The following CSMD1 variants were observed in gnomAD, a reference collection of about 807,000 sequenced individuals.
CSMD1 encodes the protein CUB and sushi domain-containing protein 1.
Under a neutral mutation model 417.5 loss-of-function variants are expected in CSMD1, and 213 were observed. That is an observed-to-expected ratio of 0.51 (90% CI 0.46 to 0.57). CSMD1 has a LOEUF of 0.57. Among genes scored for constraint, CSMD1 ranks in the 20% least tolerant of loss-of-function variants. The pLI, the probability that CSMD1 is intolerant of heterozygous loss-of-function variation, is 0.00. For synonymous variants in CSMD1, 2,862 were observed against 1,736.8 expected, an observed-to-expected ratio of 1.65 and a Z score of -16.11; for missense variants, 6,923 against 4,529.7, an observed-to-expected ratio of 1.53 and a Z score of -15.17.
intron 3 of CSMD1, among the ~76,000 whole-genome samples, chr8:4,179,479 A>G (rs1279012961): frequency 1.3e-5 from 2 of 151,440 alleles, no homozygotes; most frequent in African/African-American, 4.9e-5. Flanking sequence ...AAAACCCTAG[A>G]AGAAAACCTA....
At chr8:4,243,773 C>A (rs757676642) in intron 3 of CSMD1, among the ~76,000 whole-genome samples, 1 of 152,000 alleles carries the variant, frequency 6.6e-6, no homozygotes, top group Non-Finnish European at 1.5e-5. Flanking sequence ...TAGTATTCAA[C>A]GAGGAAAGAA....
chr8:3,825,799 G>A (rs1369494400), intron 5 of CSMD1, among the ~76,000 whole-genome samples: 2 of 152,140 alleles, frequency 1.3e-5, no homozygotes, highest in South Asian at 4.1e-4. Flanking sequence ...TAGTCCAGAT[G>A]ATATGGAATT....
At chr8:4,230,826 A>G (rs983780631) in intron 3 of CSMD1, among the ~76,000 whole-genome samples, 7 of 152,140 alleles carry the variant, frequency 4.6e-5, no homozygotes, top group Admixed American at 2.6e-4. Context: ...CAGTGTCACA[A>G]TGTATTTTTT....
chr8:4,728,956 T>C (rs956726360), intron 1 of CSMD1, among the ~76,000 whole-genome samples: 3 of 152,124 alleles, frequency 2.0e-5, no homozygotes, highest in East Asian at 3.9e-4. Flanking sequence ...CATGTGGAGA[T>C]AGAGATGGAC....
chr8:4,439,165 T>A (rs184186860), intron 2 of CSMD1, among the ~76,000 whole-genome samples: 2 of 152,188 alleles, frequency 1.3e-5, no homozygotes, highest in Non-Finnish European at 2.9e-5. Context: ...AAAGATTATT[T>A]CAATTAAGTA....
At chr8:4,132,954 G>C (rs762227000) in intron 3 of CSMD1, among the ~76,000 whole-genome samples, 4 of 151,894 alleles carry the variant, frequency 2.6e-5, no homozygotes, top group East Asian at 1.9e-4. Context: ...TTATTTTTGA[G>C]ATGGAGTCTC....
chr8:4,057,871 G>C (rs971013486), intron 3 of CSMD1, among the ~76,000 whole-genome samples: 8 of 152,234 alleles, frequency 5.3e-5, no homozygotes, highest in South Asian at 2.1e-4. Flanking sequence ...TCTGCAGGCT[G>C]TGTTCTGTTC....
chr8:4,361,322 G>T (rs562605690), intron 3 of CSMD1, among the ~76,000 whole-genome samples: 1 of 152,160 alleles, frequency 6.6e-6, no homozygotes, highest in Admixed American at 6.5e-5. Context: ...TAAAATATTA[G>T]ATAATGATAT....
chr8:3,683,335 C>G (rs1324069137), intron 7 of CSMD1, among the ~76,000 whole-genome samples: 1 of 152,196 alleles, frequency 6.6e-6, no homozygotes. Context: ...ATTGTGTTCT[C>G]TTATTTATTC....
intron 3 of CSMD1, among the ~76,000 whole-genome samples, chr8:4,210,205 C>A (rs180776222): frequency 6.6e-6 from 1 of 152,304 alleles, no homozygotes; most frequent in East Asian, 1.9e-4. Flanking sequence ...TCACTCCCTC[C>A]CCAAGCCAGC....
intron 1 of CSMD1, among the ~76,000 whole-genome samples, chr8:4,774,621 C>A (rs1024134959): frequency 6.6e-6 from 1 of 152,104 alleles, no homozygotes; most frequent in Non-Finnish European, 1.5e-5. Context: ...GGTTTGGATC[C>A]ATTTCCCCAC....
At chr8:3,990,097 A>C (rs1023530937) in intron 5 of CSMD1, among the ~76,000 whole-genome samples, 1 of 152,190 alleles carries the variant, frequency 6.6e-6, no homozygotes, top group Admixed American at 6.5e-5. Flanking sequence ...CTCAGAAGGC[A>C]GAGTGTTTTT....
At chr8:4,788,957 A>G (rs1347849540) in intron 1 of CSMD1, among the ~76,000 whole-genome samples, 2 of 152,190 alleles carry the variant, frequency 1.3e-5, no homozygotes, top group Non-Finnish European at 2.9e-5. Context: ...GAGTTCTGAC[A>G]TGAACTGAGA....
chr8:3,399,349 C>A (rs780161342), intron 16 of CSMD1, 42 bp downstream of exon 16: 3 of 1,534,262 alleles, frequency 2.0e-6, no homozygotes, highest in East Asian at 4.6e-5. Flanking sequence ...ATGGAAGAGA[C>A]ACACACCATT....
chr8:4,261,728 C>G (rs1002763759), intron 3 of CSMD1, among the ~76,000 whole-genome samples: 10 of 151,972 alleles, frequency 6.6e-5, no homozygotes, highest in Non-Finnish European at 1.3e-4. Context: ...ATCTTAAATG[C>G]CCCCATCACA....
intron 3 of CSMD1, among the ~76,000 whole-genome samples, chr8:4,238,716 C>G (rs1802213981): frequency 6.6e-6 from 1 of 152,130 alleles, no homozygotes; most frequent in Non-Finnish European, 1.5e-5. Flanking sequence ...TGGGGCAGGT[C>G]AATATTATCC....
chr8:4,832,269 C>T (rs1800200062), intron 1 of CSMD1, among the ~76,000 whole-genome samples: 1 of 152,132 alleles, frequency 6.6e-6, no homozygotes, highest in Non-Finnish European at 1.5e-5. Context: ...GTTTGTGATT[C>T]TAGTTCTTCC....
intron 12 of CSMD1, among the ~76,000 whole-genome samples, chr8:3,432,508 CTTTT>C (rs769207768): frequency 3.8e-5 from 4 of 105,316 alleles, no homozygotes; most frequent in African/African-American, 1.1e-4. Flanking sequence ...TCAATATGGG[CTTTT>C]TTTTTTTTTT....
intron 3 of CSMD1, among the ~76,000 whole-genome samples, chr8:4,070,937 C>G (rs1671627352): frequency 6.6e-6 from 1 of 152,090 alleles, no homozygotes; most frequent in African/African-American, 2.4e-5. Context: ...TGGATGGCCT[C>G]CATGGTGTTT....
Sources: allele counts gnomAD v4.1 joint callset (sites outside exome capture counted in the v4.1 genomes callset), GRCh38; gene constraint gnomAD v4.1.1; transcripts MANE v1.5; gene names NCBI Gene and HGNC (gene_info 2026-07-23, HGNC 2026-07-21).